The following TGFB2 variants were observed in gnomAD, a reference collection of about 807,000 sequenced individuals.
TGFB2 encodes the protein transforming growth factor beta-2 proprotein.
A neutral mutation model predicts 42.7 loss-of-function variants in TGFB2; 13 were observed. That is an observed-to-expected ratio of 0.30 (90% CI 0.20 to 0.48). TGFB2 has a LOEUF of 0.48. Among genes scored for constraint, TGFB2 ranks in the 20% least tolerant of loss-of-function variants. TGFB2 has a pLI of 0.99. For missense variants in TGFB2, 390 were observed against 517.5 expected, an observed-to-expected ratio of 0.75 and a Z score of 2.39; for synonymous variants, 193 against 193.6, an observed-to-expected ratio of 1.00 and a Z score of 0.03.
chr1:218,401,531 A>G (rs1658720346), intron 1 of TGFB2, among the ~76,000 whole-genome samples: 1 of 152,152 alleles, frequency 6.6e-6, no homozygotes, highest in South Asian at 2.1e-4. Context: ...AGGAAAATCG[A>G]TTTGATTGAA....
At chr1:218,421,408 T>C (rs190005867) in intron 2 of TGFB2, among the ~76,000 whole-genome samples, 65 of 151,908 alleles carry the variant, frequency 4.3e-4, no homozygotes, top group Non-Finnish European at 9.0e-4. Context: ...AAAGACCGAT[T>C]GTTCAGGGGC....
chr1:218,363,612 G>A (rs1657290201), intron 1 of TGFB2, among the ~76,000 whole-genome samples: 1 of 152,158 alleles, frequency 6.6e-6, no homozygotes, highest in Admixed American at 6.5e-5. Flanking sequence ...GAATAGCTTT[G>A]AAGTAATGCA....
At chr1:218,357,294 A>G (rs1367014133) in intron 1 of TGFB2, among the ~76,000 whole-genome samples, 1 of 151,984 alleles carries the variant, frequency 6.6e-6, no homozygotes, top group Non-Finnish European at 1.5e-5. Context: ...GAGTAACTGC[A>G]GAGGGTTTGA....
intron 1 of TGFB2, among the ~76,000 whole-genome samples, chr1:218,400,814 T>A (rs1453238117): frequency 2.0e-5 from 3 of 151,968 alleles, no homozygotes; most frequent in African/African-American, 7.3e-5. Flanking sequence ...ACCCCAACTG[T>A]CATTGGGTGG....
intron 1 of TGFB2, among the ~76,000 whole-genome samples, chr1:218,399,127 A>C (rs1658626792): frequency 6.6e-6 from 1 of 151,676 alleles, no homozygotes; most frequent in Admixed American, 6.6e-5. Flanking sequence ...AGCCTTAACC[A>C]ATCCTCCCAC....
Position 218,384,123 on chromosome 1 carries a change from GAA to G in TGFB2, c.347-21036_347-21035del, listed in dbSNP as rs5781032. 7.2e-3 allele frequency among the ~76,000 whole-genome samples: 1,070 copies of G among 148,636 alleles called. 12 individuals carry two copies. Among genetic ancestry groups the G allele is most frequent in the African/African-American group, 0.024 (967 of 40,424 alleles). ...CTAGAACATCTTGATTCATTAAAAA[GAA>G]AAAAAAAAAGGAATTAAATAGCATA... is the stretch of plus-strand genomic sequence containing the variant. On this transcript the variant is annotated intron_variant, in intron 1 of 6. Coordinates refer to ENST00000366930, the MANE Select transcript of TGFB2 (RefSeq NM_003238.6).
At chr1:218,361,733 G>A (rs1186099688) in intron 1 of TGFB2, among the ~76,000 whole-genome samples, 1 of 152,208 alleles carries the variant, frequency 6.6e-6, no homozygotes, top group East Asian at 1.9e-4. Context: ...TGTCTGACTT[G>A]TTAATCTTGT....
intron 2 of TGFB2, among the ~76,000 whole-genome samples, chr1:218,417,179 T>C (rs1659310313): frequency 6.6e-6 from 1 of 152,112 alleles, no homozygotes. Flanking sequence ...GTGGGAAAGT[T>C]TGGAACTTCC....
chr1:218,412,983 T>A lies in TGFB2; in HGVS notation c.510+7651T>A, dbSNP rs1016795401. Among the ~76,000 whole-genome samples, 42 of 152,300 alleles carry A rather than the reference T, an allele frequency of 2.8e-4. 1 individual carries two copies. Among genetic ancestry groups the A allele is most frequent in the East Asian group, 2.3e-3 (12 of 5,172 alleles). The stretch of plus-strand genomic sequence containing the variant: ...CCCATGGGGCTGATAGTCTCAGGTG[T>A]CTCCATGTGGTCTTCCCAGAACAGT... On this transcript the variant is annotated intron_variant, in intron 2 of 6. Transcript: ENST00000366930.
chr1:218,402,546 A>T (rs1047255477), intron 1 of TGFB2, among the ~76,000 whole-genome samples: 1 of 144,206 alleles, frequency 6.9e-6, no homozygotes. Flanking sequence ...AAAGGGGGGA[A>T]AAAAATGGTC....
chr1:218,379,126 C>CTTT (rs748882381), intron 1 of TGFB2, among the ~76,000 whole-genome samples: 2,411 of 143,594 alleles, frequency 0.017, 79 homozygotes, highest in South Asian at 0.05. Flanking sequence ...TTCTTTCTTT[C>CTTT]TTTCTTTTTT....
intron 1 of TGFB2, among the ~76,000 whole-genome samples, chr1:218,403,891 G>A (rs1219823388): frequency 6.6e-6 from 1 of 152,124 alleles, no homozygotes; most frequent in Non-Finnish European, 1.5e-5. Context: ...GTGTGTAGGA[G>A]ATTTTGGAAG....
chr1:218,390,960 T>TA (rs1658300036), intron 1 of TGFB2, among the ~76,000 whole-genome samples: 1 of 152,214 alleles, frequency 6.6e-6, no homozygotes, highest in African/African-American at 2.4e-5. Context: ...TTTCTGGCAC[T>TA]AAATGGCCAT....
In TGFB2 at chr1:218,434,072, TC is replaced by T. The variant is rs749268241; in HGVS notation, c.511-6del. The T allele has an allele frequency of 3.7e-6, 6 of 1,612,608 alleles. No individual in the cohort carries two copies. Among genetic ancestry groups the T allele is most frequent in the African/African-American group, 1.3e-5 (1 of 74,882 alleles). On this transcript the variant is annotated splice_polypyrimidine_tract_variant and intron_variant, in intron 2 of 6. Transcript: ENST00000366930. Reference sequence around the variant, plus strand: ...ACTCAGCCTTTTCTCTTGCTCTTTTTCCCCTCCAGATTCTCAAGTCCAAAGA... The same window carrying T: ...ACTCAGCCTTTTCTCTTGCTCTTTTTCCCTCCAGATTCTCAAGTCCAAAGA...
intron 1 of TGFB2, among the ~76,000 whole-genome samples, chr1:218,347,493 C>T (rs1485585232): frequency 6.6e-6 from 1 of 152,152 alleles, no homozygotes; most frequent in Admixed American, 6.5e-5. Flanking sequence ...TCAAAACTAG[C>T]CTCTCCGGAA....
chr1:218,357,685 A>T (rs1657084373), intron 1 of TGFB2, among the ~76,000 whole-genome samples: 1 of 152,350 alleles, frequency 6.6e-6, no homozygotes, highest in South Asian at 2.1e-4. Context: ...GTAAAGTCCA[A>T]ACCTTCTGGA....
At chr1:218,365,930 T>C (rs1657373388) in intron 1 of TGFB2, among the ~76,000 whole-genome samples, 1 of 152,174 alleles carries the variant, frequency 6.6e-6, no homozygotes, top group African/African-American at 2.4e-5. Flanking sequence ...CTTTTCTCAC[T>C]CTAACCTGGG....
intron 1 of TGFB2, among the ~76,000 whole-genome samples, chr1:218,385,505 G>A (rs1658103865): frequency 6.6e-6 from 1 of 152,208 alleles, no homozygotes; most frequent in Admixed American, 6.5e-5. Flanking sequence ...CATCCTTGGT[G>A]TATAAGCCCC....
chr1:218,374,636 T>A (rs1268438672), intron 1 of TGFB2, among the ~76,000 whole-genome samples: 1 of 152,222 alleles, frequency 6.6e-6, no homozygotes, highest in East Asian at 1.9e-4. Flanking sequence ...TGACTTTTGC[T>A]TTACTCTAAG....
Sources: gnomAD v4.1 joint callset for allele counts (sites outside exome capture counted in the v4.1 genomes callset) on GRCh38, gnomAD v4.1.1 for gene constraint, MANE v1.5 for transcripts, NCBI Gene and HGNC (gene_info 2026-07-23, HGNC 2026-07-21) for gene names.